PSMA1: variants seen among roughly 807,000 people sequenced by gnomAD.
The protein encoded by PSMA1 is proteasome 20S subunit alpha 1.
PSMA1 carries 3 observed loss-of-function variants against 38.4 expected under a neutral mutation model. That is an observed-to-expected ratio of 0.08 (90% CI 0.04 to 0.20). The LOEUF (loss-of-function observed/expected upper bound fraction) is 0.20. PSMA1 is among the 10% of genes least tolerant of loss of function. The pLI is 1.00. For synonymous variants in PSMA1, 101 were observed against 107.1 expected, an observed-to-expected ratio of 0.94 and a Z score of 0.35; for missense variants, 227 against 325.3, an observed-to-expected ratio of 0.70 and a Z score of 2.32.
Position 14,505,086 on chromosome 11 carries a change from T to G in PSMA1, c.*106A>C. On this transcript the variant is annotated 3_prime_UTR_variant, in exon 10 of 10. Coordinates refer to ENST00000396394, the MANE Select transcript of PSMA1 (RefSeq NM_002786.4). ...CTGGACTGATTCCTAAAACATAGCA[T>G]TCCACCACTCTGCAACTTTTGGTTC... is the stretch of plus-strand genomic sequence containing the variant. 9.7e-7 allele frequency: 1 copy of G among 1,032,552 alleles called. No homozygotes were observed. Among genetic ancestry groups the G allele is most frequent in the Admixed American group, 1.7e-5 (1 of 58,812 alleles). The allele number at this position is 1,032,552 out of a possible 1,614,324, so 64.0% of individuals were successfully genotyped here.
intron 2 of PSMA1, among the ~76,000 whole-genome samples, chr11:14,529,113 C>A (rs1195536542): frequency 6.8e-6 from 1 of 147,012 alleles, no homozygotes; most frequent in Non-Finnish European, 1.5e-5. Context: ...GTGACAAAGA[C>A]CCTGTCTCAA....
intron 2 of PSMA1, among the ~76,000 whole-genome samples, chr11:14,582,901 G>A (rs1852299947): frequency 6.6e-6 from 1 of 152,132 alleles, no homozygotes; most frequent in South Asian, 2.1e-4. Context: ...AAGTAACTCT[G>A]CTCAGTCCAC....
chr11:14,541,857 C>G (rs1851776742), intron 2 of PSMA1, among the ~76,000 whole-genome samples: 1 of 152,204 alleles, frequency 6.6e-6, no homozygotes, highest in African/African-American at 2.4e-5. Context: ...AGCCTTTCTG[C>G]AGATATCCTA....
intron 1 of PSMA1, among the ~76,000 whole-genome samples, chr11:14,618,404 C>A (rs1352703725): frequency 6.6e-6 from 1 of 152,216 alleles, no homozygotes; most frequent in Admixed American, 6.5e-5. Context: ...AGTTTACTAT[C>A]AATGGTCACT....
At chr11:14,610,284 T>C (rs1852693933) in intron 2 of PSMA1, among the ~76,000 whole-genome samples, 1 of 152,154 alleles carries the variant, frequency 6.6e-6, no homozygotes, top group African/African-American at 2.4e-5. Context: ...CTTAATTTTA[T>C]TTTCCCATTG....
At chr11:14,582,756 C>T (rs1300974952) in intron 2 of PSMA1, among the ~76,000 whole-genome samples, 1 of 150,732 alleles carries the variant, frequency 6.6e-6, no homozygotes, top group African/African-American at 2.4e-5. Context: ...GTTTCAAACT[C>T]CTGACCTCAA....
intron 2 of PSMA1, among the ~76,000 whole-genome samples, chr11:14,589,464 T>A (rs770015596): frequency 4.5e-4 from 68 of 151,358 alleles, no homozygotes; most frequent in East Asian, 5.8e-4. Context: ...ATATATATAT[T>A]TTTTTCTTTG....
intron 2 of PSMA1, among the ~76,000 whole-genome samples, chr11:14,549,477 G>C (rs1478390110): frequency 1.3e-5 from 2 of 152,074 alleles, no homozygotes; most frequent in African/African-American, 4.8e-5. Flanking sequence ...CAAGGCAGGA[G>C]GATCACAAGG....
At chr11:14,604,512 A>G (rs1267814172) in intron 2 of PSMA1, among the ~76,000 whole-genome samples, 1 of 152,224 alleles carries the variant, frequency 6.6e-6, no homozygotes, top group Non-Finnish European at 1.5e-5. Context: ...TCACATGAGA[A>G]AAAAAGGTAG....
chr11:14,613,644 T>G (rs887493594), intron 1 of PSMA1, among the ~76,000 whole-genome samples: 1 of 152,178 alleles, frequency 6.6e-6, no homozygotes, highest in Admixed American at 6.5e-5. Context: ...TTCTGAGATT[T>G]CAAAATAATT....
chr11:14,515,201 CTTATATTTA>C (rs1851404261), intron 4 of PSMA1, among the ~76,000 whole-genome samples: 1 of 152,208 alleles, frequency 6.6e-6, no homozygotes, highest in Admixed American at 6.5e-5. Context: ...TTGTTCAGTA[CTTATATTTA>C]AGTCCATTTC....
upstream of PSMA1, among the ~76,000 whole-genome samples, chr11:14,520,955 C>T (rs1273651379): frequency 6.6e-6 from 1 of 152,184 alleles, no homozygotes; most frequent in Non-Finnish European, 1.5e-5. Flanking sequence ...TCGTTAACCC[C>T]TCATTGTTAT....
chr11:14,598,980 T>C (rs879905084), intron 2 of PSMA1, among the ~76,000 whole-genome samples: 5 of 152,118 alleles, frequency 3.3e-5, no homozygotes, highest in African/African-American at 4.8e-5. Flanking sequence ...AGGATCTTAT[T>C]TCTCCTTCAC....
intron 1 of PSMA1, among the ~76,000 whole-genome samples, chr11:14,633,362 G>A (rs1180311950): frequency 5.3e-5 from 8 of 152,076 alleles, no homozygotes; most frequent in Non-Finnish European, 1.0e-4. Context: ...TAACAGACAG[G>A]ACCCTCAGCT....
intron 1 of PSMA1, among the ~76,000 whole-genome samples, chr11:14,642,140 T>G (rs561724871): frequency 6.6e-6 from 1 of 152,326 alleles, no homozygotes; most frequent in African/African-American, 2.4e-5. Context: ...AATCTGAATT[T>G]GTTCTAATTT....
intron 2 of PSMA1, among the ~76,000 whole-genome samples, chr11:14,586,149 G>A (rs1476568235): frequency 2.6e-5 from 4 of 152,040 alleles, no homozygotes; most frequent in African/African-American, 4.8e-5. Context: ...AAAGTAAATT[G>A]GACCAGGTGT....
chr11:14,552,685 C>T (rs1851899113), intron 2 of PSMA1, among the ~76,000 whole-genome samples: 1 of 152,072 alleles, frequency 6.6e-6, no homozygotes, highest in Admixed American at 6.5e-5. Flanking sequence ...TTTGCAAGAG[C>T]AAAACTTGAT....
chr11:14,569,682 G>A (rs1158796313), intron 2 of PSMA1, among the ~76,000 whole-genome samples: 1 of 152,208 alleles, frequency 6.6e-6, no homozygotes, highest in East Asian at 1.9e-4. Context: ...CCATTGCTGA[G>A]GCTTGAGTAG....
At chr11:14,523,302 G>T (rs145534978), upstream of PSMA1, among the ~76,000 whole-genome samples, 93 of 152,282 alleles carry the variant, frequency 6.1e-4, no homozygotes, top group Middle Eastern at 6.8e-3. Context: ...ACAGAGTCTA[G>T]CTGTGTAGCC....
Sources: gnomAD v4.1 joint callset for allele counts (sites outside exome capture counted in the v4.1 genomes callset) on GRCh38, gnomAD v4.1.1 for gene constraint, MANE v1.5 for transcripts, NCBI Gene and HGNC (gene_info 2026-07-23, HGNC 2026-07-21) for gene names.